The following THADA variants were observed in gnomAD, a reference collection of about 807,000 sequenced individuals.
The protein encoded by THADA is tRNA (32-2'-O)-methyltransferase regulator THADA.
A neutral mutation model predicts 219.8 loss-of-function variants in THADA; 213 were observed. That is an observed-to-expected ratio of 0.97 (90% CI 0.87 to 1.09). The LOEUF is 1.09. Among genes scored for constraint, THADA ranks in the 50% least tolerant of loss-of-function variants. THADA has a pLI of 0.00. For synonymous variants in THADA, 1,018 were observed against 828.9 expected (o/e 1.23, Z -3.92); for missense variants, 2,956 against 2,311.3 (o/e 1.28, Z -5.72).
chr2:43,545,210 C>A (rs1695863826), intron 20 of THADA, among the ~76,000 whole-genome samples: 1 of 151,496 alleles, frequency 6.6e-6, no homozygotes, highest in Non-Finnish European at 1.5e-5. Context: ...AGCCTTGCAT[C>A]CCAGGGATGA....
chr2:43,560,739 A>G (rs1320426208), intron 15 of THADA, among the ~76,000 whole-genome samples: 1 of 152,150 alleles, frequency 6.6e-6, no homozygotes, highest in Non-Finnish European at 1.5e-5. Context: ...AGTTCTGGCC[A>G]GGCTCAGCGG....
intron 26 of THADA, among the ~76,000 whole-genome samples, chr2:43,476,917 G>A (rs1685621126): frequency 6.6e-6 from 1 of 152,100 alleles, no homozygotes; most frequent in Non-Finnish European, 1.5e-5. Context: ...TCTCAAAGAG[G>A]CATTTTGGTT....
chr2:43,261,995 C>G (rs1449622191), intron 36 of THADA, among the ~76,000 whole-genome samples: 1 of 152,184 alleles, frequency 6.6e-6, no homozygotes, highest in African/African-American at 2.4e-5. Flanking sequence ...TGGTCTTGAA[C>G]TCCTGACCTC....
intron 24 of THADA, among the ~76,000 whole-genome samples, chr2:43,504,030 G>T (rs1300274106): frequency 6.6e-6 from 1 of 151,822 alleles, no homozygotes; most frequent in Non-Finnish European, 1.5e-5. Flanking sequence ...TCAGATTAGA[G>T]ATGCTGACCT....
At position 43,416,480 on chromosome 2, in the gene THADA, T is replaced by C. The variant is rs905778530; in HGVS notation, c.4058+11620A>G. Among the ~76,000 whole-genome samples, 14 of 152,146 alleles carry C rather than the reference T, an allele frequency of 9.2e-5. 1 individual carries two copies. The highest frequency in any genetic ancestry group is 9.2e-4 in the Admixed American group (14 of 15,274). ...ACACTGTAGAAACTGAACAGAAAAA[T>C]CTCATTAATGTTTCTTGGTTTTGTG... On this transcript the variant is annotated intron_variant, in intron 28 of 37. Transcript: ENST00000405975.
At chr2:43,447,849 T>C (rs1383377235) in intron 26 of THADA, among the ~76,000 whole-genome samples, 1 of 152,240 alleles carries the variant, frequency 6.6e-6, no homozygotes, top group Non-Finnish European at 1.5e-5. Context: ...ATTTCCTTTG[T>C]ACTTTGGACA....
chr2:43,584,303 C>A (rs1372236472), intron 7 of THADA, among the ~76,000 whole-genome samples: 6 of 152,150 alleles, frequency 3.9e-5, no homozygotes, highest in Non-Finnish European at 7.3e-5. Context: ...CATCAGTCTA[C>A]CACTCAGGAA....
At chr2:43,488,072 T>A (rs1470972629) in intron 25 of THADA, among the ~76,000 whole-genome samples, 1 of 152,226 alleles carries the variant, frequency 6.6e-6, no homozygotes, top group Admixed American at 6.5e-5. Context: ...CATCAGTTAG[T>A]AAAGAATTAT....
intron 21 of THADA, among the ~76,000 whole-genome samples, chr2:43,534,193 T>G (rs1694254090): frequency 1.3e-5 from 2 of 152,174 alleles, no homozygotes; most frequent in African/African-American, 4.8e-5. Context: ...TTAAAAATTC[T>G]TTTTCATTGA....
chr2:43,552,044 G>C, intron 18 of THADA, 119 bp from the exon 19 acceptor site: 7 of 1,539,608 alleles, frequency 4.5e-6, no homozygotes, highest in Non-Finnish European at 6.1e-6. Context: ...AAACATGTGA[G>C]ACATAAAAAT....
chr2:43,475,690 A>G (rs17030889), intron 26 of THADA, among the ~76,000 whole-genome samples: 2 of 152,136 alleles, frequency 1.3e-5, no homozygotes, highest in Non-Finnish European at 2.9e-5. Flanking sequence ...TACAAAACTT[A>G]GTAAAGTCAT....
intron 35 of THADA, among the ~76,000 whole-genome samples, chr2:43,280,744 C>A (rs935908957): frequency 1.3e-5 from 2 of 152,208 alleles, no homozygotes; most frequent in Non-Finnish European, 2.9e-5. Flanking sequence ...TATCTGACTG[C>A]CATTACTCCT....
At chr2:43,256,646 G>A (rs1428599691) in intron 36 of THADA, among the ~76,000 whole-genome samples, 2 of 150,578 alleles carry the variant, frequency 1.3e-5, no homozygotes, top group Admixed American at 6.6e-5. Flanking sequence ...AGTATGTTAT[G>A]TTGCCCAGGC....
At chr2:43,404,020 T>G (rs1675207477) in intron 28 of THADA, among the ~76,000 whole-genome samples, 1 of 152,174 alleles carries the variant, frequency 6.6e-6, no homozygotes, top group African/African-American at 2.4e-5. Context: ...AAGCTCTGGA[T>G]TATACTACCT....
At chr2:43,441,782 G>C (rs1164479611) in intron 26 of THADA, among the ~76,000 whole-genome samples, 1 of 152,164 alleles carries the variant, frequency 6.6e-6, no homozygotes, top group Non-Finnish European at 1.5e-5. Context: ...GACCATTTTA[G>C]GTCATATTTG....
Position 43,297,999 on chromosome 2 carries a change from TG to T in THADA, c.4439-4787del, listed in dbSNP as rs1558541035. The stretch of plus-strand genomic sequence containing the variant: ...CAGCCGCCCCGTCCGGGAGGGAGTG[TG>T]GGGGGGGTCAGCCCCCCGGCCCGGC... On this transcript the variant is annotated intron_variant, in intron 31 of 37. Transcript: ENST00000405975. Among the ~76,000 whole-genome samples the T allele has an allele frequency of 3.4e-4, 21 of 61,088 alleles. 5 individuals carry two copies. The highest frequency in any genetic ancestry group is 1.4e-3 in the African/African-American group (12 of 8,834). 40.1% of individuals were successfully genotyped at this position (61,088 alleles called of 152,430 possible). A position where few individuals can be genotyped will look rare whatever the true frequency, so the allele number is the denominator to read the frequency against.
At chr2:43,507,286 G>C (rs946603845) in intron 23 of THADA, among the ~76,000 whole-genome samples, 3 of 152,290 alleles carry the variant, frequency 2.0e-5, no homozygotes, top group South Asian at 4.1e-4. Context: ...GCCAAGGCTA[G>C]GGTAAGAAAG....
intron 31 of THADA, among the ~76,000 whole-genome samples, chr2:43,301,032 A>G (rs1460332727): frequency 6.6e-6 from 1 of 152,192 alleles, no homozygotes; most frequent in Non-Finnish European, 1.5e-5. Context: ...AAAACCACAC[A>G]TGCCTGAATC....
At chr2:43,274,970 A>T (rs530321145) in intron 36 of THADA, among the ~76,000 whole-genome samples, 1 of 149,916 alleles carries the variant, frequency 6.7e-6, no homozygotes, top group Non-Finnish European at 1.5e-5. Context: ...TCAAGCAGAA[A>T]CTGTTTTCCT....
Sources: gnomAD v4.1 joint callset for allele counts (sites outside exome capture counted in the v4.1 genomes callset) on GRCh38, gnomAD v4.1.1 for gene constraint, MANE v1.5 for transcripts, NCBI Gene and HGNC (gene_info 2026-07-23, HGNC 2026-07-21) for gene names.